Variants in WDR48 observed in about 807,000 individuals in gnomAD.
The protein encoded by WDR48 is WD repeat-containing protein 48.
WDR48 carries 22 observed loss-of-function variants against 94.0 expected under a neutral mutation model. The observed-to-expected ratio is 0.23, with a 90% CI of 0.17 to 0.33. WDR48 has a LOEUF of 0.33. WDR48 is among the 10% of genes least tolerant of loss of function. The pLI, the probability that WDR48 is intolerant of heterozygous loss-of-function variation, is 1.00. For synonymous variants in WDR48, 278 were observed against 280.5 expected (o/e 0.99, Z 0.09); for missense variants, 541 against 813.8 (o/e 0.66, Z 4.08).
intron 17 of WDR48, among the ~76,000 whole-genome samples, chr3:39,092,068 A>G (rs2035099905): frequency 6.6e-6 from 1 of 152,216 alleles, no homozygotes; most frequent in African/African-American, 2.4e-5. Context: ...AGTCCAAGCT[A>G]GCCAGGAGGC....
intron 1 of WDR48, among the ~76,000 whole-genome samples, chr3:39,053,070 G>A (rs1284121470): frequency 6.6e-6 from 1 of 152,280 alleles, no homozygotes; most frequent in East Asian, 1.9e-4. Flanking sequence ...CAGTGATGCA[G>A]GGAATAAAAG....
Position 39,091,712 on chromosome 3 carries a change from AT to A in WDR48, c.1745+12del. On this transcript the variant is annotated intron_variant, in intron 17 of 18. Transcript: ENST00000302313. ...AAAAACCTTAAAAAAGTAAGTAAAT[AT>A]ATGGTTTCTTGATCTAATTAACTAC... The A allele has an allele frequency of 1.3e-6, 2 of 1,591,006 alleles. No individual in the cohort carries two copies. Among genetic ancestry groups the A allele is most frequent in the Non-Finnish European group, 1.7e-6 (2 of 1,168,790 alleles).
intron 1 of WDR48, among the ~76,000 whole-genome samples, chr3:39,055,954 T>C (rs966959019): frequency 3.9e-5 from 6 of 152,248 alleles, no homozygotes; most frequent in African/African-American, 1.4e-4. Flanking sequence ...TTTAGAATAG[T>C]GCCAGGCAAC....
intron 14 of WDR48, chr3:39,087,878 C>T: frequency 2.4e-6 from 1 of 410,104 alleles, no homozygotes; most frequent in Non-Finnish European, 4.4e-6. Context: ...TGTTCTGAAT[C>T]TCAAACATTA....
At chr3:39,073,643 G>C (rs1381480050) in intron 7 of WDR48, among the ~76,000 whole-genome samples, 1 of 152,084 alleles carries the variant, frequency 6.6e-6, no homozygotes, top group East Asian at 1.9e-4. Flanking sequence ...GTGGATGCAG[G>C]GTGTCTAATT....
At chr3:39,077,921 T>C (rs1014959457) in intron 9 of WDR48, 1 of 444,196 alleles carries the variant, frequency 2.3e-6, no homozygotes, top group African/African-American at 2.0e-5. Context: ...CTTTCATGCA[T>C]AGTTTTCTCT....
chr3:39,082,795 C>T (rs2034606788), intron 11 of WDR48, among the ~76,000 whole-genome samples: 1 of 152,116 alleles, frequency 6.6e-6, no homozygotes, highest in Admixed American at 6.5e-5. Flanking sequence ...GACAGCTGTA[C>T]AGTCTCATGC....
At chr3:39,055,215 G>C (rs1383884173) in intron 1 of WDR48, among the ~76,000 whole-genome samples, 1 of 152,184 alleles carries the variant, frequency 6.6e-6, no homozygotes, top group Non-Finnish European at 1.5e-5. Flanking sequence ...GGCCAGGCGT[G>C]GTGGCTCATG....
intron 1 of WDR48, among the ~76,000 whole-genome samples, chr3:39,053,193 G>A (rs2125626702): frequency 6.6e-6 from 1 of 152,314 alleles, no homozygotes; most frequent in Non-Finnish European, 1.5e-5. Context: ...GGGGAAAAGG[G>A]ATTGAAAGGG....
chr3:39,062,942 A>T, intron 1 of WDR48, 108 bp from the exon 2 acceptor site: 2 of 1,390,400 alleles, frequency 1.4e-6, no homozygotes, highest in Non-Finnish European at 2.0e-6. Context: ...GAAAAAGTAC[A>T]TATTGGAAAA....
Position 39,080,080 on chromosome 3 carries a change from T to C in WDR48, c.1173+272T>C, listed in dbSNP as rs566727616. 2.0e-5 allele frequency among the ~76,000 whole-genome samples: 3 copies of C among 151,886 alleles called. 1 individual carries two copies. The South Asian group carries it at 6.3e-4, about 32-fold the overall frequency. On this transcript the variant is annotated intron_variant, in intron 11 of 18. Coordinates refer to ENST00000302313, the MANE Select transcript of WDR48 (RefSeq NM_020839.4). Reference sequence around the variant, plus strand: ...CTTAAAAGTCTCATCCTTGTAGCTATTGACATCTTAAGCCAGATAATTATT... The same window carrying C: ...CTTAAAAGTCTCATCCTTGTAGCTACTGACATCTTAAGCCAGATAATTATT...
chr3:39,093,852 A>G (rs762238687), intron 17 of WDR48, 22 bp from the exon 18 acceptor site: 23 of 1,517,444 alleles, frequency 1.5e-5, no homozygotes, highest in South Asian at 1.1e-4. Flanking sequence ...TGATGTCACA[A>G]TATGCCATTG....
chr3:39,066,995 T>C, intron 5 of WDR48, 120 bp downstream of exon 5: 1 of 1,222,168 alleles, frequency 8.2e-7, no homozygotes, highest in South Asian at 1.5e-5. Flanking sequence ...TGAGAGTGCT[T>C]CTACCTACAG....
chr3:39,056,415 C>T (rs1479156533), intron 1 of WDR48, among the ~76,000 whole-genome samples: 2 of 152,132 alleles, frequency 1.3e-5, no homozygotes, highest in Non-Finnish European at 2.9e-5. Flanking sequence ...AAGAAAATTT[C>T]CCGGAGCTTA....
chr3:39,080,675 A>C (rs893441408), intron 11 of WDR48, among the ~76,000 whole-genome samples: 1 of 152,208 alleles, frequency 6.6e-6, no homozygotes, highest in Non-Finnish European at 1.5e-5. Flanking sequence ...ATAGATAAAG[A>C]AGGAACAGAT....
intron 12 of WDR48, 94 bp downstream of exon 12, chr3:39,084,356 A>T: frequency 1.1e-6 from 1 of 885,450 alleles, no homozygotes; most frequent in Non-Finnish European, 1.6e-6. Context: ...CTGTGTTTTT[A>T]GGTGTGAAAA....
chr3:39,088,265 G>A (rs1349777323), intron 15 of WDR48, 32 bp downstream of exon 15: 1 of 1,601,238 alleles, frequency 6.2e-7, no homozygotes, highest in African/African-American at 1.3e-5. Flanking sequence ...GGTTCTGCCT[G>A]AGAAGGTATC....
chr3:39,084,403 A>G (rs1343690710), intron 12 of WDR48, 141 bp downstream of exon 12: 2 of 628,540 alleles, frequency 3.2e-6, no homozygotes, highest in African/African-American at 1.9e-5. Context: ...GCAAAATGGA[A>G]TAAAAAAGAA....
At chr3:39,052,134 C>T in intron 1 of WDR48, 61 bp downstream of exon 1, 1 of 1,600,712 alleles carries the variant, frequency 6.2e-7, no homozygotes, top group Non-Finnish European at 8.5e-7. Context: ...CCCACTCCAG[C>T]TAGAAGGTGC....
Sources: gnomAD v4.1 joint callset for allele counts (sites outside exome capture counted in the v4.1 genomes callset) on GRCh38, gnomAD v4.1.1 for gene constraint, MANE v1.5 for transcripts, NCBI Gene and HGNC (gene_info 2026-07-23, HGNC 2026-07-21) for gene names.